ARHGAP10: variants seen among roughly 807,000 people sequenced by gnomAD.
ARHGAP10 encodes Rho GTPase activating protein 10, also known as rho GTPase-activating protein 10.
ARHGAP10 carries 87 observed loss-of-function variants against 108.6 expected under a neutral mutation model. The ratio of observed to expected loss-of-function variants is 0.80; its 90% CI spans 0.67 to 0.96. ARHGAP10 has a LOEUF of 0.96. ARHGAP10 is among the 40% of genes least tolerant of loss of function. The probability of loss-of-function intolerance (pLI) is 0.00; values close to 1 mark genes in which losing one functional copy is unlikely to be tolerated. For missense variants in ARHGAP10, 939 were observed against 954.5 expected (o/e 0.98, Z 0.21); for synonymous variants, 347 against 341.1 (o/e 1.02, Z -0.19).
At chr4:147,881,755 C>T (rs1579155348) in intron 9 of ARHGAP10, 83 bp from the exon 10 acceptor site, 1 of 1,214,816 alleles carries the variant, frequency 8.2e-7, no homozygotes, top group East Asian at 2.4e-5. Flanking sequence ...GAACCTTGCT[C>T]CCCTGCTCTC....
intron 19 of ARHGAP10, among the ~76,000 whole-genome samples, chr4:148,044,357 A>G (rs1403457343): frequency 6.6e-6 from 1 of 152,142 alleles, no homozygotes; most frequent in African/African-American, 2.4e-5. Flanking sequence ...AAGTCAGGGA[A>G]TAAACCGGTC....
chr4:147,911,605 G>T (rs192839414), intron 12 of ARHGAP10, among the ~76,000 whole-genome samples: 1 of 149,806 alleles, frequency 6.7e-6, no homozygotes, highest in Non-Finnish European at 1.5e-5. Flanking sequence ...TTCGTGATCC[G>T]CCCACCTTGG....
chr4:147,901,632 C>A (rs3857095), intron 10 of ARHGAP10, among the ~76,000 whole-genome samples: 139,011 of 152,242 alleles, frequency 0.91, 64,498 homozygotes, highest in Non-Finnish European at 0.99. Context: ...TTACTTTTTA[C>A]GCTTCTTTGG....
chr4:148,059,844 G>C (rs951008112), intron 20 of ARHGAP10, among the ~76,000 whole-genome samples: 1 of 152,152 alleles, frequency 6.6e-6, no homozygotes, highest in Admixed American at 6.5e-5. Flanking sequence ...GTGTTTTCTT[G>C]TGCCAGTTCC....
At chr4:147,871,180 G>T (rs1336890979) in intron 7 of ARHGAP10, among the ~76,000 whole-genome samples, 1 of 152,070 alleles carries the variant, frequency 6.6e-6, no homozygotes, top group East Asian at 1.9e-4. Context: ...GGATGGTCTC[G>T]ATCTCCTGAT....
chr4:147,792,096 C>G (rs1031382622), intron 1 of ARHGAP10, among the ~76,000 whole-genome samples: 4 of 152,218 alleles, frequency 2.6e-5, no homozygotes, highest in African/African-American at 9.7e-5. Flanking sequence ...GTTGTCTTCA[C>G]CTTTACTCGA....
chr4:148,018,288 A>G (rs1414443068), intron 18 of ARHGAP10, among the ~76,000 whole-genome samples: 1 of 152,190 alleles, frequency 6.6e-6, no homozygotes, highest in African/African-American at 2.4e-5. Context: ...AGAGCTGGGC[A>G]ATCTTAGAAA....
chr4:147,738,929 TC>T (rs1298925831), intron 1 of ARHGAP10, among the ~76,000 whole-genome samples: 2 of 152,068 alleles, frequency 1.3e-5, no homozygotes, highest in African/African-American at 4.8e-5. Flanking sequence ...ACGTCTGTAA[TC>T]CTAGCACTTT....
intron 16 of ARHGAP10, among the ~76,000 whole-genome samples, chr4:147,964,542 T>TTTAA (rs1374838633): frequency 2.6e-5 from 4 of 152,172 alleles, no homozygotes; most frequent in Non-Finnish European, 4.4e-5. Flanking sequence ...CCAAGTACAG[T>TTTAA]TTAAAACAGC....
At chr4:147,907,594 A>G (rs1352426433) in intron 11 of ARHGAP10, among the ~76,000 whole-genome samples, 1 of 152,202 alleles carries the variant, frequency 6.6e-6, no homozygotes, top group Non-Finnish European at 1.5e-5. Context: ...GGCAAAAGCT[A>G]ATGTTATCTT....
chr4:147,750,606 T>C (rs1487263038), intron 1 of ARHGAP10, among the ~76,000 whole-genome samples: 1 of 152,014 alleles, frequency 6.6e-6, no homozygotes, highest in Non-Finnish European at 1.5e-5. Flanking sequence ...AATATCTTTT[T>C]TTTTTTTTGG....
intron 5 of ARHGAP10, chr4:147,861,554 G>T (rs886433739): frequency 2.2e-4 from 33 of 152,374 alleles, no homozygotes; most frequent in African/African-American, 6.0e-4. Context: ...GAGGAATGAG[G>T]TATGGAGACA....
At position 147,847,158 on chromosome 4, in the gene ARHGAP10, G is replaced by A. The variant is rs760568565; in HGVS notation, c.320G>A (p.Ser107Asn). The change falls in exon 4 of 23, where the codon AGT (serine) becomes AAT (asparagine). Residue 107 changes from serine to asparagine, a missense_variant. By Grantham distance (46) the Ser-to-Asn change is conservative. Transcript: ENST00000336498. ...ATCACTCTTGTTCTCTAGGCATTAAGTGTAACTGAAACCCTGATTAAACCC... is the reference window on the plus strand; with the variant it reads ...ATCACTCTTGTTCTCTAGGCATTAAATGTAACTGAAACCCTGATTAAACCC... ...LEEQREIMALSVTETLIKPLE... is the reference protein window; with the variant it reads ...LEEQREIMALNVTETLIKPLE... The A allele has an allele frequency of 1.9e-6, 3 of 1,612,804 alleles. No homozygotes were observed. The highest frequency in any genetic ancestry group is 1.7e-6 in the Non-Finnish European group (2 of 1,179,018).
intron 1 of ARHGAP10, among the ~76,000 whole-genome samples, chr4:147,760,839 G>A (rs1240295528): frequency 6.6e-6 from 1 of 152,130 alleles, no homozygotes; most frequent in Admixed American, 6.6e-5. Flanking sequence ...AATGGCCGGT[G>A]GGGCTTTCAG....
intron 3 of ARHGAP10, among the ~76,000 whole-genome samples, chr4:147,839,136 C>G (rs1364402957): frequency 6.7e-6 from 1 of 148,992 alleles, no homozygotes; most frequent in Non-Finnish European, 1.5e-5. Context: ...ATCTATCTAT[C>G]TATCTATCTG....
In ARHGAP10 at chr4:148,063,341, C is replaced by T. The variant is rs141915634; in HGVS notation, c.2180+41C>T. 10 of 1,611,726 alleles carry T rather than the reference C, an allele frequency of 6.2e-6. No homozygotes were observed. In the African/African-American group the frequency reaches 1.2e-4, roughly 19 times the overall value. ...TGGAATGTGGAATATGGTGGCAGCA[C>T]ACACAGGGGGCTTGATGAACCTGAG... On this transcript the variant is annotated intron_variant, in intron 21 of 22. Coordinates refer to ENST00000336498, the MANE Select transcript of ARHGAP10 (RefSeq NM_024605.4).
intron 1 of ARHGAP10, among the ~76,000 whole-genome samples, chr4:147,741,124 C>G (rs545197043): frequency 1.3e-5 from 2 of 152,158 alleles, no homozygotes; most frequent in South Asian, 2.1e-4. Flanking sequence ...TTTAAAAGGA[C>G]TTTGTTAATT....
At position 147,860,205 on chromosome 4, in the gene ARHGAP10, G is replaced by A. The variant is rs563863994; in HGVS notation, c.486+2551G>A. Reference sequence around the variant, plus strand: ...CGCCTGTAATCCCAGCACTGTGGGAGGCCGAGGCGGGTGGATCACGAGATC... The same window carrying A: ...CGCCTGTAATCCCAGCACTGTGGGAAGCCGAGGCGGGTGGATCACGAGATC... On this transcript the variant is annotated intron_variant, in intron 5 of 22. Transcript: ENST00000336498. 2.0e-5 allele frequency among the ~76,000 whole-genome samples: 3 copies of A among 152,342 alleles called. No individual in the cohort carries two copies. In the South Asian group the frequency reaches 6.2e-4, roughly 32 times the overall value.
chr4:148,052,113 C>A (rs960279013), intron 20 of ARHGAP10, among the ~76,000 whole-genome samples: 20 of 152,186 alleles, frequency 1.3e-4, no homozygotes, highest in African/African-American at 4.8e-4. Context: ...GAAAAATAAT[C>A]ATTTTAGATC....
Sources: gnomAD v4.1 joint callset for allele counts (sites outside exome capture counted in the v4.1 genomes callset) on GRCh38, gnomAD v4.1.1 for gene constraint, MANE v1.5 for transcripts, NCBI Gene and HGNC (gene_info 2026-07-23, HGNC 2026-07-21) for gene names.